The following AGMO variants were observed in gnomAD, a reference collection of about 807,000 sequenced individuals.
AGMO encodes glyceryl-ether monooxygenase.
AGMO carries 75 observed loss-of-function variants against 60.2 expected under a neutral mutation model. The ratio of observed to expected loss-of-function variants is 1.25; its 90% CI spans 1.03 to 1.51. The LOEUF (loss-of-function observed/expected upper bound fraction) is 1.51. Ranked by LOEUF, AGMO falls within the 40% of genes most tolerant of loss-of-function variation. The pLI is 0.00. For missense variants in AGMO, 763 were observed against 525.5 expected (o/e 1.45, Z -4.42); for synonymous variants, 261 against 177.1 (o/e 1.47, Z -3.76).
chr7:15,194,026 A>C, the AGMO span, among the ~76,000 whole-genome samples: 1 of 152,328 alleles, frequency 6.6e-6, no homozygotes, highest in East Asian at 1.9e-4. Context: ...GCTAACAATC[A>C]ATCTCTTAAT....
At chr7:15,338,290 GA>G (rs1214256156) in intron 12 of AGMO, among the ~76,000 whole-genome samples, 1 of 152,084 alleles carries the variant, frequency 6.6e-6, no homozygotes, top group Non-Finnish European at 1.5e-5. Flanking sequence ...ACCTGGAGAA[GA>G]AAAGGTGAAT....
chr7:15,201,221 A>G lies in AGMO; in HGVS notation c.*64T>C. On this transcript the variant is annotated 3_prime_UTR_variant, in exon 13 of 13. Coordinates refer to ENST00000342526, the MANE Select transcript of AGMO (RefSeq NM_001004320.2). ...CATTACATAAAATAATTACATTTTA[A>G]TATGCAGTCATAATATGCGTGTGGA... is the stretch of plus-strand genomic sequence containing the variant. 1 of 1,004,080 alleles carries G rather than the reference A, an allele frequency of 1.0e-6. No homozygotes were observed. The highest frequency in any genetic ancestry group is 2.5e-5 in the Admixed American group (1 of 40,476). The allele number at this position is 1,004,080 out of a possible 1,614,324, so 62.2% of individuals were successfully genotyped here. A position where few individuals can be genotyped will look rare whatever the true frequency, so the allele number is the denominator to read the frequency against.
chr7:15,364,944 T>C (rs1782913428), intron 12 of AGMO, among the ~76,000 whole-genome samples: 1 of 152,012 alleles, frequency 6.6e-6, no homozygotes, highest in Non-Finnish European at 1.5e-5. Flanking sequence ...AATAAATGTC[T>C]TTAACAGCTG....
intron 10 of AGMO, among the ~76,000 whole-genome samples, chr7:15,376,494 C>A (rs1465237518): frequency 2.0e-5 from 3 of 151,986 alleles, no homozygotes; most frequent in Non-Finnish European, 4.4e-5. Flanking sequence ...GAATTAAAAA[C>A]CATAAAAATG....
chr7:15,187,749 C>T, the AGMO span, among the ~76,000 whole-genome samples: 1 of 152,100 alleles, frequency 6.6e-6, no homozygotes, highest in African/African-American at 2.4e-5. Context: ...GCCCAGAGCT[C>T]ATTCACCATG....
In AGMO at chr7:15,221,422, G is replaced by A. The variant is rs183298010; in HGVS notation, c.1264-20063C>T. 2.8e-3 allele frequency among the ~76,000 whole-genome samples: 420 copies of A among 151,800 alleles called. 3 individuals carry two copies. The highest frequency in any genetic ancestry group is 9.8e-3 in the African/African-American group (404 of 41,410). ...CAGAAAGAGAGAAAAAAAATGACAC[G>A]GCTAAAAAAAAAATTCCTCCTTGTT... On this transcript the variant is annotated intron_variant, in intron 12 of 12. Coordinates refer to ENST00000342526, the MANE Select transcript of AGMO (RefSeq NM_001004320.2).
chr7:15,351,162 G>C (rs759481175), intron 12 of AGMO, among the ~76,000 whole-genome samples: 21 of 152,062 alleles, frequency 1.4e-4, no homozygotes, highest in Non-Finnish European at 2.5e-4. Flanking sequence ...CTTCATTCTA[G>C]AAACTAAACA....
chr7:15,463,922 C>G (rs922363317), intron 3 of AGMO, among the ~76,000 whole-genome samples: 7 of 152,078 alleles, frequency 4.6e-5, no homozygotes, highest in African/African-American at 1.7e-4. Flanking sequence ...GGATAAAACC[C>G]GATGCTGTAA....
chr7:15,185,700 A>G, the AGMO span, among the ~76,000 whole-genome samples: 1 of 152,176 alleles, frequency 6.6e-6, no homozygotes, highest in African/African-American at 2.4e-5. Flanking sequence ...TGAAGATTGG[A>G]GTCCAAAACC....
intron 12 of AGMO, among the ~76,000 whole-genome samples, chr7:15,246,015 T>C (rs142062192): frequency 6.6e-6 from 1 of 152,030 alleles, no homozygotes. Flanking sequence ...CCATGGAAAA[T>C]AAAAGCATTT....
At chr7:15,311,218 A>G (rs994443453) in intron 12 of AGMO, among the ~76,000 whole-genome samples, 1 of 152,214 alleles carries the variant, frequency 6.6e-6, no homozygotes, top group African/African-American at 2.4e-5. Flanking sequence ...AGCTAACTAG[A>G]GAATTATAGA....
intron 10 of AGMO, among the ~76,000 whole-genome samples, chr7:15,379,014 G>A (rs577625613): frequency 2.6e-5 from 4 of 151,806 alleles, no homozygotes; most frequent in Admixed American, 6.6e-5. Context: ...ATCACTTTTC[G>A]GTAAATGATG....
chr7:15,415,448 C>T (rs1344278950), intron 5 of AGMO, among the ~76,000 whole-genome samples: 2 of 151,816 alleles, frequency 1.3e-5, no homozygotes, highest in Non-Finnish European at 2.9e-5. Context: ...GAGGTTGAGG[C>T]AGAAGAATTG....
At chr7:15,390,203 G>A (rs145487878) in intron 8 of AGMO, among the ~76,000 whole-genome samples, 48 of 152,090 alleles carry the variant, frequency 3.2e-4, no homozygotes, top group African/African-American at 1.1e-3. Flanking sequence ...GTCTTAGCAA[G>A]CGAGGTAATG....
At chr7:15,326,676 T>C (rs980440216) in intron 12 of AGMO, among the ~76,000 whole-genome samples, 1 of 152,196 alleles carries the variant, frequency 6.6e-6, no homozygotes, top group African/African-American at 2.4e-5. Context: ...TCTCTCCCCA[T>C]GGCAGAATTA....
chr7:15,230,021 A>G (rs7802884), intron 12 of AGMO, among the ~76,000 whole-genome samples: 48,707 of 151,662 alleles, frequency 0.32, 9,238 homozygotes, highest in East Asian at 0.49. Context: ...AATTTATACA[A>G]TTTACATTAA....
At chr7:15,314,339 G>C (rs1270730760) in intron 12 of AGMO, among the ~76,000 whole-genome samples, 1 of 152,082 alleles carries the variant, frequency 6.6e-6, no homozygotes, top group Non-Finnish European at 1.5e-5. Context: ...GATAAGATGG[G>C]ACTACAGTAA....
At chr7:15,223,463 C>A (rs1364269988) in intron 12 of AGMO, among the ~76,000 whole-genome samples, 1 of 151,774 alleles carries the variant, frequency 6.6e-6, no homozygotes, top group Non-Finnish European at 1.5e-5. Context: ...GTTAAAGATT[C>A]TATTCAATGA....
rs559114524 is a variant in AGMO, at chr7:15,393,944, C to T, written c.676+169G>A. The stretch of plus-strand genomic sequence containing the variant: ...CCCCACCCCACCCCACCAGTTCATA[C>T]TTTGGAGATGAGGCTTGTACCAAAG... On this transcript the variant is annotated intron_variant, in intron 6 of 12. Coordinates refer to ENST00000342526, the MANE Select transcript of AGMO (RefSeq NM_001004320.2). Among the ~76,000 whole-genome samples the T allele has an allele frequency of 3.4e-5, 4 of 116,208 alleles. No homozygotes were observed. The East Asian group carries it at 1.2e-3, about 34-fold the overall frequency. 76.2% of individuals were successfully genotyped at this position (116,208 alleles called of 152,430 possible). A position where few individuals can be genotyped will look rare whatever the true frequency, so the allele number is the denominator to read the frequency against.
Sources: allele counts gnomAD v4.1 joint callset (sites outside exome capture counted in the v4.1 genomes callset), GRCh38; gene constraint gnomAD v4.1.1; transcripts MANE v1.5; gene names NCBI Gene and HGNC (gene_info 2026-07-23, HGNC 2026-07-21).